Variants in AGBL1 observed in about 807,000 individuals in gnomAD.
The protein encoded by AGBL1 is AGBL carboxypeptidase 1.
In AGBL1, 130 loss-of-function variants were observed where a neutral mutation model predicts 118.9. The ratio of observed to expected loss-of-function variants is 1.09; its 90% CI spans 0.95 to 1.26. AGBL1 has a LOEUF of 1.26. AGBL1 is among the 50% of genes most tolerant of loss of function. The pLI is 0.00. For synonymous variants in AGBL1, 555 were observed against 478.9 expected (o/e 1.16, Z -2.08); for missense variants, 1,584 against 1,298.1 (o/e 1.22, Z -3.38).
At chr15:86,697,722 G>A (rs190781938) in intron 22 of AGBL1, among the ~76,000 whole-genome samples, 10 of 151,930 alleles carry the variant, frequency 6.6e-5, no homozygotes, top group African/African-American at 1.7e-4. Flanking sequence ...GGGCTATGTC[G>A]GAGGGAAGAT....
At chr15:86,209,288 T>C (rs959019550) in intron 5 of AGBL1, among the ~76,000 whole-genome samples, 18 of 152,180 alleles carry the variant, frequency 1.2e-4, no homozygotes, top group African/African-American at 4.3e-4. Context: ...AAAATGTATA[T>C]TTTGTTGACT....
intron 21 of AGBL1, among the ~76,000 whole-genome samples, chr15:86,625,408 C>T (rs72762025): frequency 0.31 from 31,663 of 102,684 alleles, 4,966 homozygotes; most frequent in East Asian, 0.54. Flanking sequence ...TTTACAAACA[C>T]AGAAACTGAG....
chr15:86,728,806 C>G (rs1483306536), intron 22 of AGBL1, among the ~76,000 whole-genome samples: 1 of 151,962 alleles, frequency 6.6e-6, no homozygotes, highest in East Asian at 1.9e-4. Flanking sequence ...TCTGGTTTCA[C>G]TGTGTTAAAA....
chr15:86,229,576 ATCTCATCT>A (rs2078422531), intron 6 of AGBL1, among the ~76,000 whole-genome samples: 1 of 151,804 alleles, frequency 6.6e-6, no homozygotes, highest in African/African-American at 2.4e-5. Context: ...CCTTTATCTC[ATCTCATCT>A]TCTTCTACCT....
exon 25 of AGBL1, chr15:87,029,039 A>G: frequency 1.8e-6 from 1 of 543,260 alleles, no homozygotes; most frequent in South Asian, 2.9e-5. Context: ...TCATAAAAAT[A>G]GACTCCACCT....
At chr15:86,350,501 A>G (rs1352115194) in intron 17 of AGBL1, among the ~76,000 whole-genome samples, 3 of 152,186 alleles carry the variant, frequency 2.0e-5, no homozygotes, top group African/African-American at 4.8e-5. Context: ...GTGTAAGACA[A>G]TGTTTCTGAC....
chr15:86,825,934 T>TAGAC (rs1265616110), intron 22 of AGBL1, among the ~76,000 whole-genome samples: 50 of 144,584 alleles, frequency 3.5e-4, no homozygotes, highest in African/African-American at 1.2e-3. Context: ...GATAGATAGA[T>TAGAC]AGACAGATGA....
intron 1 of AGBL1, chr15:86,109,891 A>G (rs1897260354): frequency 6.6e-6 from 1 of 152,262 alleles, no homozygotes; most frequent in Non-Finnish European, 1.5e-5. Flanking sequence ...TCAGATGGCT[A>G]GCAGTAACTT....
At chr15:86,573,721 T>G (rs975621487) in intron 21 of AGBL1, among the ~76,000 whole-genome samples, 1 of 152,178 alleles carries the variant, frequency 6.6e-6, no homozygotes, top group African/African-American at 2.4e-5. Context: ...TTTAGGAGCA[T>G]GCTGAAATGT....
intron 5 of AGBL1, among the ~76,000 whole-genome samples, chr15:86,160,959 A>G (rs1396662236): frequency 1.3e-5 from 2 of 152,186 alleles, no homozygotes; most frequent in Non-Finnish European, 2.9e-5. Context: ...GGAGAAATCA[A>G]CAAAGCATAG....
At chr15:86,138,263 T>C (rs2076915969) in intron 1 of AGBL1, 1 of 152,224 alleles carries the variant, frequency 6.6e-6, no homozygotes, top group South Asian at 2.1e-4. Flanking sequence ...GGGAACATTC[T>C]TTTCTCCCCT....
chr15:86,759,575 T>C (rs1862820037), intron 22 of AGBL1, among the ~76,000 whole-genome samples: 1 of 152,130 alleles, frequency 6.6e-6, no homozygotes, highest in African/African-American at 2.4e-5. Flanking sequence ...TGCTTTGGCT[T>C]TCCTCCCCAA....
chr15:86,494,674 C>T (rs2082825094), intron 18 of AGBL1, among the ~76,000 whole-genome samples: 1 of 152,052 alleles, frequency 6.6e-6, no homozygotes, highest in South Asian at 2.1e-4. Context: ...AACTCTGACT[C>T]AGCATTTTTC....
At chr15:86,262,078 C>CTTTTTTTTTTTTTTTTTTT (rs61365024) in intron 9 of AGBL1, among the ~76,000 whole-genome samples, 1,099 of 52,698 alleles carry the variant, frequency 0.021, 323 homozygotes, top group Middle Eastern at 0.029. Context: ...GCATAGCTGG[C>CTTTTTTTTTTTTTTTTTTT]TTTTTTTTTT....
chr15:86,578,535 G>A (rs893008705), intron 21 of AGBL1, among the ~76,000 whole-genome samples: 4 of 152,186 alleles, frequency 2.6e-5, no homozygotes, highest in Admixed American at 6.5e-5. Flanking sequence ...GAAATGTGAG[G>A]ACATGAGATT....
In AGBL1 at chr15:86,154,544, G is replaced by T. The variant is rs182802715; in HGVS notation, c.377G>T (p.Arg126Leu). 1 of 1,610,298 alleles carries T rather than the reference G, an allele frequency of 6.2e-7. No individual in the cohort carries two copies. Among genetic ancestry groups the T allele is most frequent in the Admixed American group, 1.7e-5 (1 of 59,606 alleles). ...CTCCTCCACTGTCTCTGGGCTCTGC[G>T]TGTGTTTGCCTCCAGTGGTAAGTGA... ...QNLLHCLWAL[R>L]VFASSVSMGA... The change falls in exon 4 of 23, where the codon CGT becomes CTT. Residue 126 changes from arginine (R) to leucine (L), a missense_variant. Coordinates refer to ENST00000614907, the MANE Select transcript of AGBL1 (RefSeq NM_001386094.1).
At chr15:86,539,366 C>T (rs2083465062) in intron 19 of AGBL1, among the ~76,000 whole-genome samples, 1 of 152,180 alleles carries the variant, frequency 6.6e-6, no homozygotes, top group Non-Finnish European at 1.5e-5. Context: ...TCTTTACTCT[C>T]ACAAAACTTC....
chr15:86,190,162 A>G (rs2077696541), intron 5 of AGBL1, among the ~76,000 whole-genome samples: 1 of 152,182 alleles, frequency 6.6e-6, no homozygotes, highest in Non-Finnish European at 1.5e-5. Flanking sequence ...TAAAAGTATT[A>G]TGCACCTTAA....
At chr15:86,517,860 C>T (rs996979583) in intron 18 of AGBL1, among the ~76,000 whole-genome samples, 1 of 152,158 alleles carries the variant, frequency 6.6e-6, no homozygotes. Flanking sequence ...CAGTGTCTGG[C>T]CGATAGTCCC....
Sources: gnomAD v4.1 joint callset for allele counts (sites outside exome capture counted in the v4.1 genomes callset) on GRCh38, gnomAD v4.1.1 for gene constraint, MANE v1.5 for transcripts, NCBI Gene and HGNC (gene_info 2026-07-23, HGNC 2026-07-21) for gene names.